RAI1: variants seen among roughly 807,000 people sequenced by gnomAD.
RAI1 encodes the protein retinoic acid induced 1.
Under a neutral mutation model 123.8 loss-of-function variants are expected in RAI1, and 9 were observed. The ratio of observed to expected loss-of-function variants is 0.07; its 90% confidence interval spans 0.04 to 0.13. The LOEUF (loss-of-function observed/expected upper bound fraction) is 0.13, where lower values mean the gene tolerates loss of function less well. Ranked by LOEUF, RAI1 falls within the 10% of genes least tolerant of loss-of-function variation. The pLI, the probability that RAI1 is intolerant of heterozygous loss-of-function variation, is 1.00. For synonymous variants in RAI1, 1,231 were observed against 1,127.3 expected (o/e 1.09, Z -1.84); for missense variants, 2,256 against 2,545.8 (o/e 0.89, Z 2.45).
Position 17,797,397 on chromosome 17 carries a change from C to G in RAI1, c.4449C>G (p.Gly1483=). The G allele has an allele frequency of 1.2e-6, 2 of 1,612,932 alleles. No homozygotes were observed. The highest frequency in any genetic ancestry group is 8.5e-7 in the Non-Finnish European group (1 of 1,179,830). ...LLLTPRDRAS[G]TQGASEDNSG... Reference sequence around the variant, plus strand: ...TGACTCCCCGAGACAGGGCCAGTGGCACACAAGGGGCCAGTGAGGACAACT... The same window carrying G: ...TGACTCCCCGAGACAGGGCCAGTGGGACACAAGGGGCCAGTGAGGACAACT... Residue 1483 remains glycine, a synonymous_variant, in exon 3 of 6, where the codon GGC becomes GGG. Transcript: ENST00000353383.
chr17:17,740,794 A>G (rs113261249), intron 2 of RAI1, among the ~76,000 whole-genome samples: 60 of 152,312 alleles, frequency 3.9e-4, no homozygotes, highest in African/African-American at 1.4e-3. Flanking sequence ...GGCAAGCCCC[A>G]GGACAGATCC....
chr17:17,747,374 A>C (rs755173582), intron 2 of RAI1, among the ~76,000 whole-genome samples: 1 of 152,078 alleles, frequency 6.6e-6, no homozygotes, highest in Non-Finnish European at 1.5e-5. Flanking sequence ...CTGTCAGAGG[A>C]TGTGGAAGAT....
chr17:17,688,675 A>C (rs1365910953), intron 1 of RAI1, among the ~76,000 whole-genome samples: 2 of 152,018 alleles, frequency 1.3e-5, no homozygotes, highest in Non-Finnish European at 2.9e-5. Context: ...GGCTCACTGC[A>C]ACCTTTGTCT....
Position 17,799,190 on chromosome 17 carries a change from G to C in RAI1, c.5565+677G>C, listed in dbSNP as rs1159722222. Among the ~76,000 whole-genome samples, 4 of 152,204 alleles carry C rather than the reference G, an allele frequency of 2.6e-5. No homozygotes were observed. Among genetic ancestry groups the C allele is most frequent in the African/African-American group, 9.7e-5 (4 of 41,448 alleles). On this transcript the variant is annotated intron_variant, in intron 3 of 5. Transcript: ENST00000353383. The surrounding 1 kb of genome is among the most constrained non-coding windows in gnomAD (Gnocchi z 4.5). ...TGGGGCTGTGCCGCCATGCACCTTT[G>C]GGGCTGTGACCTGCCCTCTCTGTGC...
Position 17,796,389 on chromosome 17 carries a change from G to T in RAI1, c.3441G>T (p.Arg1147=). 1 of 1,613,670 alleles carries T rather than the reference G, an allele frequency of 6.2e-7. No homozygotes were observed. The highest frequency in any genetic ancestry group is 8.5e-7 in the Non-Finnish European group (1 of 1,180,010). The stretch of plus-strand genomic sequence containing the variant: ...AGGACCAGCGCTCCATGATCCTTCG[G>T]TCACGCACCAAAACCCAGGAGATCT... ...PGKDQRSMIL[R]SRTKTQEIFH... Residue 1147 remains arginine, a synonymous_variant, in exon 3 of 6, where the codon CGG becomes CGT. Coordinates refer to ENST00000353383, the MANE Select transcript of RAI1 (RefSeq NM_030665.4). This position sits in a 1 kb window ranked among gnomAD's most constrained non-coding sequence, Gnocchi z 5.8.
intron 1 of RAI1, among the ~76,000 whole-genome samples, chr17:17,700,624 G>C (rs1915189111): frequency 2.0e-5 from 3 of 152,164 alleles, no homozygotes; most frequent in Non-Finnish European, 4.4e-5. Flanking sequence ...GACGCCCGGC[G>C]GGGAGGGGAG....
intron 1 of RAI1, 96 bp downstream of exon 1, chr17:17,681,889 C>G (rs1245523726): frequency 2.7e-5 from 6 of 220,762 alleles, no homozygotes; most frequent in Non-Finnish European, 4.4e-5. Flanking sequence ...GGTGATGAGC[C>G]GAGGCGGGTT....
chr17:17,808,414 ATTATTTTATTTTATTTTATT>A (rs71155304), intron 4 of RAI1, among the ~76,000 whole-genome samples: 9 of 125,894 alleles, frequency 7.1e-5, no homozygotes, highest in Non-Finnish European at 9.9e-5. Flanking sequence ...ATTTTATTTT[ATTATTTTATTTTATTTTATT>A]TTATTTTATT....
intron 1 of RAI1, among the ~76,000 whole-genome samples, chr17:17,707,638 G>C (rs1201879088): frequency 1.3e-5 from 2 of 152,048 alleles, no homozygotes; most frequent in African/African-American, 2.4e-5. Flanking sequence ...TGTCACCCAG[G>C]TTGGAGTGCA....
chr17:17,693,089 C>A (rs1455560877), intron 1 of RAI1, among the ~76,000 whole-genome samples: 1 of 152,222 alleles, frequency 6.6e-6, no homozygotes, highest in Non-Finnish European at 1.5e-5. Context: ...GCCATGGGTG[C>A]GCACATCTGC....
At chr17:17,806,184 T>C (rs1056606297) in intron 4 of RAI1, among the ~76,000 whole-genome samples, 9 of 152,180 alleles carry the variant, frequency 5.9e-5, no homozygotes, top group African/African-American at 2.2e-4. Flanking sequence ...GGGAGAAATC[T>C]AGGAAGACTT....
At chr17:17,690,329 G>C (rs577412954) in intron 1 of RAI1, among the ~76,000 whole-genome samples, 1 of 151,530 alleles carries the variant, frequency 6.6e-6, no homozygotes, top group African/African-American at 2.4e-5. Context: ...AGAGGTGGCA[G>C]TGAGCCAAGA....
intron 1 of RAI1, among the ~76,000 whole-genome samples, chr17:17,682,956 G>A (rs968738241): frequency 7.2e-5 from 11 of 152,100 alleles, no homozygotes; most frequent in African/African-American, 2.7e-4. Flanking sequence ...GGAGCCGGCC[G>A]GGCGCTGCTC....
rs374194622 is a variant in RAI1, at chr17:17,794,451, G to A, written c.1503G>A (p.Pro501=). The A allele has an allele frequency of 2.1e-5, 34 of 1,612,614 alleles. No individual in the cohort carries two copies. In the African/African-American group the frequency reaches 2.1e-4, roughly 10 times the overall value. The change falls in exon 3 of 6, where the codon CCG becomes CCA. Residue 501 remains proline, a synonymous_variant. Transcript: ENST00000353383. ...EPAGTPLSEP[P]SSTPQSTHAE... is the part of the protein sequence containing the mutation. ...CAGGCACACCGCTGTCAGAGCCGCC[G>A]AGCAGCACGCCACAGTCCACGCATG... is the stretch of plus-strand genomic sequence containing the variant.
chr17:17,735,670 C>T (rs1916411326), intron 2 of RAI1, among the ~76,000 whole-genome samples: 1 of 152,182 alleles, frequency 6.6e-6, no homozygotes, highest in Non-Finnish European at 1.5e-5. Context: ...AGATGCACTT[C>T]CTCTCATTCA....
chr17:17,800,180 GTCTCTCTCTCTCTCTCTCTC>G lies in RAI1; in HGVS notation c.5565+1696_5565+1715del, dbSNP rs58147049. On this transcript the variant is annotated intron_variant, in intron 3 of 5. Transcript: ENST00000353383. The surrounding 1 kb of genome is among the most constrained non-coding windows in gnomAD (Gnocchi z 4.7). ...TCTCTCCTGCTTTCTGTCTCTCTCT[GTCTCTCTCTCTCTCTCTCTC>G]TCTCTCTCTCTCTCTCTCTCTCTCT... Among the ~76,000 whole-genome samples, 296 of 116,398 alleles carry G rather than the reference GTCTCTCTCTCTCTCTCTCTC, an allele frequency of 2.5e-3. 1 individual carries two copies. Among genetic ancestry groups the G allele is most frequent in the African/African-American group, 8.2e-3 (275 of 33,446 alleles). 76.4% of individuals were successfully genotyped at this position (116,398 alleles called of 152,430 possible).
intron 2 of RAI1, among the ~76,000 whole-genome samples, chr17:17,789,459 C>A (rs2031938187): frequency 6.6e-6 from 1 of 152,186 alleles, no homozygotes; most frequent in South Asian, 2.1e-4. Context: ...AGGTGTGTGC[C>A]ACACTGCCGA....
intron 2 of RAI1, among the ~76,000 whole-genome samples, chr17:17,759,635 C>G (rs2030601125): frequency 6.6e-6 from 1 of 152,212 alleles, no homozygotes; most frequent in South Asian, 2.1e-4. Context: ...TTCCCCATGT[C>G]TGCACATATT....
intron 1 of RAI1, among the ~76,000 whole-genome samples, chr17:17,691,662 G>A (rs535605342): frequency 6.6e-6 from 1 of 152,290 alleles, no homozygotes; most frequent in Admixed American, 6.5e-5. Context: ...TCAGAAAAAG[G>A]CCTGGCCTCG....
Sources: gnomAD v4.1 joint callset for allele counts (sites outside exome capture counted in the v4.1 genomes callset) on GRCh38, gnomAD v4.1.1 for gene constraint, Gnocchi (gnomAD v3.1) non-coding constraint, MANE v1.5 for transcripts, NCBI Gene and HGNC (gene_info 2026-07-23, HGNC 2026-07-21) for gene names.